SGCZ: variants seen among roughly 807,000 people sequenced by gnomAD.
SGCZ encodes the protein sarcoglycan zeta.
SGCZ carries 40 observed loss-of-function variants against 41.3 expected under a neutral mutation model. That is an observed-to-expected ratio of 0.97 (90% CI 0.75 to 1.26). The LOEUF is 1.26. SGCZ is among the 50% of genes most tolerant of loss of function. The probability of loss-of-function intolerance (pLI) is 0.00; values close to 1 mark genes in which losing one functional copy is unlikely to be tolerated. For missense variants in SGCZ, 552 were observed against 369.8 expected, an observed-to-expected ratio of 1.49 and a Z score of -4.04; for synonymous variants, 206 against 137.5, an observed-to-expected ratio of 1.50 and a Z score of -3.49.
chr8:14,101,288 G>C (rs1032328828), intron 7 of SGCZ, among the ~76,000 whole-genome samples: 1 of 125,010 alleles, frequency 8.0e-6, no homozygotes, highest in African/African-American at 2.5e-5. Context: ...CTGGGAAGGA[G>C]AGGGTAAGAG....
intron 1 of SGCZ, among the ~76,000 whole-genome samples, chr8:14,662,532 T>C (rs994893411): frequency 6.6e-6 from 1 of 152,182 alleles, no homozygotes; most frequent in Non-Finnish European, 1.5e-5. Context: ...TAGTAGAGTT[T>C]CAACAGAGTT....
intron 1 of SGCZ, among the ~76,000 whole-genome samples, chr8:14,941,857 A>T (rs775011264): frequency 1.4e-4 from 21 of 151,466 alleles, no homozygotes; most frequent in Non-Finnish European, 2.4e-4. Flanking sequence ...AAATATATGT[A>T]CACCTTTATT....
intron 1 of SGCZ, among the ~76,000 whole-genome samples, chr8:14,576,334 G>A (rs1345060128): frequency 6.6e-6 from 1 of 152,092 alleles, no homozygotes; most frequent in Non-Finnish European, 1.5e-5. Flanking sequence ...ATCCTGAAGT[G>A]AGCCCTCTAA....
intron 5 of SGCZ, among the ~76,000 whole-genome samples, chr8:14,133,788 G>C (rs753613836): frequency 6.6e-6 from 1 of 151,900 alleles, no homozygotes; most frequent in Non-Finnish European, 1.5e-5. Context: ...TGAAAGCTTG[G>C]AGCTGCTGCT....
In SGCZ at chr8:14,388,085, T is replaced by G. The variant is rs147340742; in HGVS notation, c.235-63881A>C. Among the ~76,000 whole-genome samples, 3 of 152,172 alleles carry G rather than the reference T, an allele frequency of 2.0e-5. No homozygotes were observed. The East Asian group carries it at 5.8e-4, about 29-fold the overall frequency. ...AAGATATTCAGGAAAAGGAACAATT[T>G]GATGTAAAATGGTAAATTTGAAGTG... is the stretch of plus-strand genomic sequence containing the variant. On this transcript the variant is annotated intron_variant, in intron 2 of 7. Coordinates refer to ENST00000382080, the MANE Select transcript of SGCZ (RefSeq NM_139167.4).
intron 1 of SGCZ, among the ~76,000 whole-genome samples, chr8:15,231,742 C>T (rs182236749): frequency 6.6e-6 from 1 of 151,246 alleles, no homozygotes; most frequent in African/African-American, 2.4e-5. Flanking sequence ...TCGCCTCAAC[C>T]TCCCGAGTAG....
intron 1 of SGCZ, among the ~76,000 whole-genome samples, chr8:14,602,137 T>TAAAATAAAATAA (rs1218725128): frequency 6.6e-6 from 1 of 151,596 alleles, no homozygotes; most frequent in East Asian, 1.9e-4. Flanking sequence ...TAAAATAAAA[T>TAAAATAAAATAA]AATAAAATAA....
intron 5 of SGCZ, among the ~76,000 whole-genome samples, chr8:14,133,133 G>C (rs1387938211): frequency 6.6e-6 from 1 of 152,132 alleles, no homozygotes; most frequent in South Asian, 2.1e-4. Context: ...CTGGGGATCA[G>C]CCCAAGGTGA....
At chr8:15,196,543 G>A (rs185131493) in intron 1 of SGCZ, among the ~76,000 whole-genome samples, 5 of 143,812 alleles carry the variant, frequency 3.5e-5, no homozygotes, top group African/African-American at 4.9e-5. Flanking sequence ...TATTGTGGGT[G>A]TTAAGACTTG....
intron 2 of SGCZ, among the ~76,000 whole-genome samples, chr8:14,436,436 C>G (rs1331622881): frequency 6.6e-6 from 1 of 152,180 alleles, no homozygotes; most frequent in Non-Finnish European, 1.5e-5. Context: ...GATAATCTAG[C>G]CCACTGTATG....
At chr8:14,437,070 G>A (rs940629625) in intron 2 of SGCZ, among the ~76,000 whole-genome samples, 3 of 152,078 alleles carry the variant, frequency 2.0e-5, no homozygotes, top group East Asian at 1.9e-4. Context: ...GAGACTTTTG[G>A]TGATATTAGC....
chr8:14,471,732 G>C (rs1354472998), intron 2 of SGCZ, among the ~76,000 whole-genome samples: 2 of 151,890 alleles, frequency 1.3e-5, no homozygotes, highest in Non-Finnish European at 2.9e-5. Context: ...TAATTTCCGT[G>C]CCCATTTAAC....
chr8:15,091,822 G>T (rs1013560918), intron 1 of SGCZ, among the ~76,000 whole-genome samples: 4 of 152,024 alleles, frequency 2.6e-5, no homozygotes, highest in Non-Finnish European at 5.9e-5. Context: ...TTGTGATCAC[G>T]GCTCACTGCA....
At chr8:14,404,143 T>A (rs1394579897) in intron 2 of SGCZ, among the ~76,000 whole-genome samples, 1 of 152,156 alleles carries the variant, frequency 6.6e-6, no homozygotes, top group African/African-American at 2.4e-5. Context: ...TCAGCTCCAT[T>A]TTAAATTTTA....
chr8:14,310,342 T>C (rs1563249804), intron 3 of SGCZ, among the ~76,000 whole-genome samples: 1 of 152,210 alleles, frequency 6.6e-6, no homozygotes, highest in Non-Finnish European at 1.5e-5. Flanking sequence ...CTTTGGTAAT[T>C]TTTTTGTTTC....
chr8:14,798,671 A>T (rs1330181192), intron 1 of SGCZ, among the ~76,000 whole-genome samples: 2 of 152,120 alleles, frequency 1.3e-5, no homozygotes, highest in Non-Finnish European at 2.9e-5. Context: ...AAATACTTAC[A>T]TATTTTAAGT....
chr8:14,578,379 G>A (rs1056393575), intron 1 of SGCZ, among the ~76,000 whole-genome samples: 3 of 152,116 alleles, frequency 2.0e-5, no homozygotes, highest in African/African-American at 7.2e-5. Context: ...CAGAGCATGG[G>A]CTCCTCTCTT....
At chr8:14,582,201 G>C (rs1032736897) in intron 1 of SGCZ, among the ~76,000 whole-genome samples, 1 of 151,858 alleles carries the variant, frequency 6.6e-6, no homozygotes, top group African/African-American at 2.4e-5. Flanking sequence ...ATATGCTATT[G>C]ATAACATAAG....
At chr8:14,503,342 C>T (rs1017125438) in intron 2 of SGCZ, among the ~76,000 whole-genome samples, 7 of 152,002 alleles carry the variant, frequency 4.6e-5, no homozygotes, top group African/African-American at 1.2e-4. Flanking sequence ...GAATACCTAA[C>T]GTAGATGATG....
Sources: gnomAD v4.1 joint callset for allele counts (sites outside exome capture counted in the v4.1 genomes callset) on GRCh38, gnomAD v4.1.1 for gene constraint, MANE v1.5 for transcripts, NCBI Gene and HGNC (gene_info 2026-07-23, HGNC 2026-07-21) for gene names.